KDSR: variants seen among roughly 807,000 people sequenced by gnomAD.
KDSR encodes the protein 3-ketodihydrosphingosine reductase, also known as 3-dehydrosphinganine reductase.
Under a neutral mutation model 41.3 loss-of-function variants are expected in KDSR, and 23 were observed. The observed-to-expected ratio is 0.56, with a 90% CI of 0.40 to 0.79. KDSR has a LOEUF of 0.79. Ranked by LOEUF, KDSR falls within the 30% of genes least tolerant of loss-of-function variation. The pLI, the probability that KDSR is intolerant of heterozygous loss-of-function variation, is 0.00. For synonymous variants in KDSR, 138 were observed against 151.7 expected (o/e 0.91, Z 0.66); for missense variants, 351 against 416.8 (o/e 0.84, Z 1.37).
chr18:63,337,738 C>T (rs1372906208), intron 8 of KDSR, among the ~76,000 whole-genome samples: 1 of 152,116 alleles, frequency 6.6e-6, no homozygotes, highest in Non-Finnish European at 1.5e-5. Flanking sequence ...ACCAGCCTGG[C>T]CAACATGGTG....
rs1914517338 is a variant in KDSR, at chr18:63,346,837, A to G, written c.610-2344T>C. On this transcript the variant is annotated intron_variant, in intron 6 of 9. Transcript: ENST00000645214. ...CAGTATCGTTCTAAGAACAAAGCATAAGGTTAAGATTCTAGTTTCCTGAAA... is the reference window on the plus strand; with the variant it reads ...CAGTATCGTTCTAAGAACAAAGCATGAGGTTAAGATTCTAGTTTCCTGAAA... 3.9e-5 allele frequency among the ~76,000 whole-genome samples: 6 copies of G among 152,218 alleles called. No individual in the cohort carries two copies. The South Asian group carries it at 1.2e-3, about 31-fold the overall frequency.
rs1404892497 is a variant in KDSR, at chr18:63,331,299, AG to A, written c.*482del. On this transcript the variant is annotated 3_prime_UTR_variant, in exon 10 of 10. Coordinates refer to ENST00000645214, the MANE Select transcript of KDSR (RefSeq NM_002035.4). ...GAGAGAGAGAGACAGAGAGACAGAGAGACAGAGAGACAGAGAGACAGAGAGA... is the reference window on the plus strand; with the variant it reads ...GAGAGAGAGAGACAGAGAGACAGAGAACAGAGAGACAGAGAGACAGAGAGA... The A allele has an allele frequency of 4.5e-6, 1 of 221,854 alleles. No homozygotes were observed. Among genetic ancestry groups the A allele is most frequent in the African/African-American group, 2.4e-5 (1 of 42,322 alleles). The allele number at this position is 221,854 out of a possible 1,614,324, so 13.7% of individuals were successfully genotyped here. A position where few individuals can be genotyped will look rare whatever the true frequency, so the allele number is the denominator to read the frequency against.
At chr18:63,364,786 G>T (rs545871506) in intron 1 of KDSR, among the ~76,000 whole-genome samples, 1 of 152,094 alleles carries the variant, frequency 6.6e-6, no homozygotes, top group Non-Finnish European at 1.5e-5. Context: ...ACATAATATT[G>T]CATAGTATTG....
chr18:63,338,660 G>A (rs928287165), intron 8 of KDSR, 140 bp downstream of exon 8: 4 of 639,414 alleles, frequency 6.3e-6, no homozygotes, highest in Non-Finnish European at 8.1e-6. Flanking sequence ...GAAAAGTTGA[G>A]TCCAATATTA....
intron 9 of KDSR, among the ~76,000 whole-genome samples, chr18:63,334,339 A>G (rs1291088322): frequency 6.8e-6 from 1 of 147,882 alleles, no homozygotes; most frequent in Non-Finnish European, 1.5e-5. Context: ...ACTTCATTAC[A>G]CTGCACTACT....
chr18:63,347,948 G>C lies in KDSR; in HGVS notation c.609+2940C>G, dbSNP rs938100201. ...CCTTAGTTTGGGGGCAAAGGGAGGT[G>C]GACAGGGAGACTTCAAAGTTAATTA... On this transcript the variant is annotated intron_variant, in intron 6 of 9. Coordinates refer to ENST00000645214, the MANE Select transcript of KDSR (RefSeq NM_002035.4). Among the ~76,000 whole-genome samples, 17 of 152,104 alleles carry C rather than the reference G, an allele frequency of 1.1e-4. No individual in the cohort carries two copies. The South Asian group carries it at 2.3e-3, about 20-fold the overall frequency.
At position 63,331,582 on chromosome 18, in the gene KDSR, C is replaced by A; in HGVS notation, c.*200G>T. The A allele has an allele frequency of 2.2e-6, 1 of 454,360 alleles. No homozygotes were observed. Among genetic ancestry groups the A allele is most frequent in the Non-Finnish European group, 3.9e-6 (1 of 256,706 alleles). 28.1% of individuals were successfully genotyped at this position (454,360 alleles called of 1,614,324 possible). A position where few individuals can be genotyped will look rare whatever the true frequency, so the allele number is the denominator to read the frequency against. ...TAGAAAATCAAATGGTCTCCTATTC[C>A]ATATTTGCATAGTATTAATAATACT... On this transcript the variant is annotated 3_prime_UTR_variant, in exon 10 of 10. Transcript: ENST00000645214.
intron 7 of KDSR, among the ~76,000 whole-genome samples, chr18:63,340,448 C>A (rs751104835): frequency 6.6e-6 from 1 of 152,140 alleles, no homozygotes; most frequent in Non-Finnish European, 1.5e-5. Flanking sequence ...TGCAGAGATT[C>A]ACATTTACAA....
At chr18:63,365,156 G>A (rs1029769253) in intron 1 of KDSR, among the ~76,000 whole-genome samples, 8 of 152,250 alleles carry the variant, frequency 5.3e-5, no homozygotes, top group Non-Finnish European at 7.3e-5. Flanking sequence ...GTTGTTGGCC[G>A]GGCGCGATGG....
intron 1 of KDSR, among the ~76,000 whole-genome samples, chr18:63,365,680 T>C (rs1297629083): frequency 6.6e-6 from 1 of 152,242 alleles, no homozygotes; most frequent in Non-Finnish European, 1.5e-5. Flanking sequence ...AGCTTTAGTT[T>C]TTGCAAAGTT....
chr18:63,367,181 C>G lies in KDSR; in HGVS notation c.-63G>C, dbSNP rs1418307942. On this transcript the variant is annotated 5_prime_UTR_variant, in exon 1 of 10. Coordinates refer to ENST00000645214, the MANE Select transcript of KDSR (RefSeq NM_002035.4). Reference sequence around the variant, plus strand: ...GGGCCGCCGGGCAAGGCGCGCAGGGCTGGGCTGCGGCGAGGCGAGAATCAC... The same window carrying G: ...GGGCCGCCGGGCAAGGCGCGCAGGGGTGGGCTGCGGCGAGGCGAGAATCAC... 2 of 882,632 alleles carry G rather than the reference C, an allele frequency of 2.3e-6. No individual in the cohort carries two copies. The highest frequency in any genetic ancestry group is 3.5e-5 in the African/African-American group (2 of 56,774). The allele number at this position is 882,632 out of a possible 1,614,324, so 54.7% of individuals were successfully genotyped here.
At chr18:63,351,505 G>C (rs565437736) in intron 5 of KDSR, among the ~76,000 whole-genome samples, 74 of 152,316 alleles carry the variant, frequency 4.9e-4, no homozygotes, top group African/African-American at 1.7e-3. Flanking sequence ...GTGATTTAAA[G>C]TTTTGGTTTC....
At chr18:63,344,235 G>A (rs1914430801) in intron 7 of KDSR, 175 bp downstream of exon 7, 3 of 534,380 alleles carry the variant, frequency 5.6e-6, no homozygotes, top group Middle Eastern at 3.4e-4. Flanking sequence ...AGGGAAAAGA[G>A]GAAGGAAAGA....
chr18:63,347,635 T>C (rs1043883985), intron 6 of KDSR, among the ~76,000 whole-genome samples: 3 of 152,006 alleles, frequency 2.0e-5, no homozygotes, highest in Non-Finnish European at 2.9e-5. Flanking sequence ...ACTCCAGAAT[T>C]CAAGCTTTAG....
At chr18:63,352,974 G>A (rs1914695666) in intron 5 of KDSR, among the ~76,000 whole-genome samples, 2 of 148,606 alleles carry the variant, frequency 1.3e-5, no homozygotes, top group East Asian at 2.0e-4. Flanking sequence ...CGAGACCAGC[G>A]TGACCAACAT....
In KDSR at chr18:63,329,727, C is replaced by G; in HGVS notation, c.*2055G>C. On this transcript the variant is annotated 3_prime_UTR_variant, in exon 10 of 10. Transcript: ENST00000645214. ...AATTTGAAAAAATATATTGAAATAA[C>G]TATTTAATGTTATTAAATCAGACAC... 1 of 193,258 alleles carries G rather than the reference C, an allele frequency of 5.2e-6. No individual in the cohort carries two copies. The highest frequency in any genetic ancestry group is 8.2e-5 in the East Asian group (1 of 12,232). 12.0% of individuals were successfully genotyped at this position (193,258 alleles called of 1,614,324 possible).
chr18:63,337,477 A>C (rs1026393747), intron 8 of KDSR, among the ~76,000 whole-genome samples: 14 of 152,232 alleles, frequency 9.2e-5, no homozygotes, highest in African/African-American at 3.1e-4. Context: ...AAATATGGCA[A>C]ATATCAATAA....
At chr18:63,335,179 TTCTCATCAAGGTTTG>T in intron 9 of KDSR, 63 bp downstream of exon 9, 1 of 893,342 alleles carries the variant, frequency 1.1e-6, no homozygotes, top group Non-Finnish European at 1.8e-6. Flanking sequence ...CCTTAACCTC[TTCTCATCAAGGTTTG>T]ATGAAAGGCA....
rs1034785376 is a variant in KDSR, at chr18:63,327,765, G to A, written c.*4017C>T. The A allele has an allele frequency of 5.5e-6, 1 of 183,448 alleles. No homozygotes were observed. Among genetic ancestry groups the A allele is most frequent in the Non-Finnish European group, 1.2e-5 (1 of 86,274 alleles). The allele number at this position is 183,448 out of a possible 1,614,324, so 11.4% of individuals were successfully genotyped here. On this transcript the variant is annotated 3_prime_UTR_variant, in exon 10 of 10. Transcript: ENST00000645214. ...AGTCTTGTTCCCCATTTATTTTTTT[G>A]TTGTGATTCAGAAATACAAGGTATG...
Sources: gnomAD v4.1 joint callset for allele counts (sites outside exome capture counted in the v4.1 genomes callset) on GRCh38, gnomAD v4.1.1 for gene constraint, MANE v1.5 for transcripts, NCBI Gene and HGNC (gene_info 2026-07-23, HGNC 2026-07-21) for gene names.